The following ARHGAP29 variants were observed in gnomAD, a reference collection of about 807,000 sequenced individuals.
ARHGAP29 encodes Rho GTPase activating protein 29.
In ARHGAP29, 43 loss-of-function variants were observed where a neutral mutation model predicts 122.6. That is an observed-to-expected ratio of 0.35 (90% CI 0.27 to 0.45). The LOEUF (loss-of-function observed/expected upper bound fraction) is 0.45. ARHGAP29 is among the 20% of genes least tolerant of loss of function. The probability of loss-of-function intolerance (pLI) is 1.00; values close to 1 mark genes in which losing one functional copy is unlikely to be tolerated. For missense variants in ARHGAP29, 1,303 were observed against 1,477.2 expected (o/e 0.88, Z 1.93); for synonymous variants, 506 against 497.1 (o/e 1.02, Z -0.24).
rs1649334254 is a variant in ARHGAP29 at position 94,179,748 on chromosome 1, A to G, written c.2457T>C (p.His819=). The G allele has an allele frequency of 1.2e-6, 2 of 1,611,900 alleles. No homozygotes were observed. The highest frequency in any genetic ancestry group is 2.7e-5 in the African/African-American group (2 of 74,856). Residue 819 remains histidine (H), a synonymous_variant, in exon 20 of 23, where the codon CAT becomes CAC. Transcript: ENST00000260526. ...QLPASNFNSL[H]FLIVHLKRVV... is the part of the protein sequence containing the mutation. ...ACCGCTTTAGATGTACTATAAGGAA[A>G]TGAAGACTGTTAAAATTTGATGCTG...
At chr1:94,262,022 A>G (rs1023104323) in intron 1 of ARHGAP29, among the ~76,000 whole-genome samples, 2 of 152,200 alleles carry the variant, frequency 1.3e-5, no homozygotes, top group African/African-American at 4.8e-5. Flanking sequence ...GGCTGCAGAA[A>G]CCAAAACAGC....
At chr1:94,213,644 G>A (rs1651790984) in intron 3 of ARHGAP29, among the ~76,000 whole-genome samples, 1 of 152,236 alleles carries the variant, frequency 6.6e-6, no homozygotes, top group African/African-American at 2.4e-5. Flanking sequence ...TGGCCCACCA[G>A]CCTGTGTGCC....
the ARHGAP29 span, among the ~76,000 whole-genome samples, chr1:94,296,082 TACC>T: frequency 6.6e-6 from 1 of 152,196 alleles, no homozygotes; most frequent in Admixed American, 6.5e-5. Flanking sequence ...AGGTTTCAGT[TACC>T]CATGGTCAAC....
chr1:94,221,985 A>AC (rs1239937803), intron 2 of ARHGAP29, among the ~76,000 whole-genome samples: 12 of 151,724 alleles, frequency 7.9e-5, no homozygotes, highest in Admixed American at 7.2e-4. Context: ...AAAAAAAAAA[A>AC]AAAACTAAAA....
At chr1:94,213,821 TAGAAC>T (rs1453191664) in intron 3 of ARHGAP29, among the ~76,000 whole-genome samples, 5 of 152,244 alleles carry the variant, frequency 3.3e-5, no homozygotes, top group African/African-American at 1.2e-4. Flanking sequence ...TAAATGAACT[TAGAAC>T]AGAGCCTGTT....
In ARHGAP29 at chr1:94,193,770, G is replaced by C. The variant is rs543729338; in HGVS notation, c.1282-3687C>G. The C allele has an allele frequency of 5.3e-5, 8 of 152,304 alleles. No homozygotes were observed. In the East Asian group the frequency reaches 5.8e-4, roughly 11 times the overall value. The allele number at this position is 152,304 out of a possible 1,614,324, so 9.4% of individuals were successfully genotyped here. A position where few individuals can be genotyped will look rare whatever the true frequency, so the allele number is the denominator to read the frequency against. On this transcript the variant is annotated intron_variant, in intron 12 of 22. Transcript: ENST00000260526. Reference sequence around the variant, plus strand: ...CAACCAAGTGAATCCATTACCAGCAGACCTGCTATAAAATAGTGGTAAAGG... The same window carrying C: ...CAACCAAGTGAATCCATTACCAGCACACCTGCTATAAAATAGTGGTAAAGG...
At chr1:94,235,643 T>C (rs1033195704) in intron 1 of ARHGAP29, among the ~76,000 whole-genome samples, 4 of 152,178 alleles carry the variant, frequency 2.6e-5, no homozygotes, top group African/African-American at 7.2e-5. Flanking sequence ...ACTGTGCAAA[T>C]AGACTTGTGC....
Position 94,208,866 on chromosome 1 carries a change from G to C in ARHGAP29, c.476C>G (p.Ser159Ter). The change falls in exon 5 of 23, where the codon TCA becomes TGA. Residue 159 changes from serine to a stop codon, truncating the protein, a stop_gained. Transcript: ENST00000260526. LOFTEE classifies it high-confidence loss of function. ...TCGAGAAACAGGCAGTCGCAATAAT[G>C]AATCATTGCCTACATCTCCCATAAG... The part of the protein sequence containing the change: ...NFLMGDVGND[S>*]LLRLPVSRET... 6.2e-7 allele frequency: 1 copy of C among 1,613,960 alleles called. No individual in the cohort carries two copies. Among genetic ancestry groups the C allele is most frequent in the Non-Finnish European group, 8.5e-7 (1 of 1,179,952 alleles).
chr1:94,250,141 T>C (rs1046653238), intron 1 of ARHGAP29, among the ~76,000 whole-genome samples: 29 of 152,218 alleles, frequency 1.9e-4, no homozygotes, highest in Non-Finnish European at 1.3e-4. Context: ...TGATCACAAG[T>C]GTGCATGTTC....
intron 11 of ARHGAP29, 89 bp downstream of exon 11, chr1:94,202,455 C>G (rs746853477): frequency 6.7e-7 from 1 of 1,482,610 alleles, no homozygotes; most frequent in South Asian, 1.2e-5. Flanking sequence ...CCTTTCCAGG[C>G]AGTCTTGGCA....
At chr1:94,294,204 G>C in the ARHGAP29 span, among the ~76,000 whole-genome samples, 12 of 152,282 alleles carry the variant, frequency 7.9e-5, no homozygotes, top group Admixed American at 2.0e-4. Context: ...GGAACATATT[G>C]AGTTGTGGGT....
rs1210214191 is a variant in ARHGAP29 at position 94,189,213 on chromosome 1, T to C, written c.1576+3A>G. ...TAGCACTCTCTTTAGGGTGGAAAAC[T>C]ACCTGTTATATCTGCACTGTTAGAG... On this transcript the variant is annotated splice_donor_region_variant and intron_variant, in intron 14 of 22. Coordinates refer to ENST00000260526, the MANE Select transcript of ARHGAP29 (RefSeq NM_004815.4). 1.9e-6 allele frequency: 3 copies of C among 1,599,626 alleles called. No homozygotes were observed. The highest frequency in any genetic ancestry group is 2.6e-6 in the Non-Finnish European group (3 of 1,175,962).
chr1:94,298,910 T>C, the ARHGAP29 span, among the ~76,000 whole-genome samples: 3 of 152,140 alleles, frequency 2.0e-5, no homozygotes, highest in African/African-American at 4.8e-5. Context: ...CATTCTCAGC[T>C]CTAGTTTGGA....
At chr1:94,180,833 C>T (rs1486703878) in intron 19 of ARHGAP29, among the ~76,000 whole-genome samples, 1 of 152,106 alleles carries the variant, frequency 6.6e-6, no homozygotes, top group African/African-American at 2.4e-5. Context: ...ATTCCTGAGA[C>T]AGAATGAGAG....
chr1:94,258,856 G>A (rs1654459143), intron 1 of ARHGAP29, among the ~76,000 whole-genome samples: 1 of 152,144 alleles, frequency 6.6e-6, no homozygotes, highest in Non-Finnish European at 1.5e-5. Flanking sequence ...CAAAACCAGG[G>A]ATCTGAACTC....
chr1:94,303,893 G>A, the ARHGAP29 span, among the ~76,000 whole-genome samples: 5 of 152,096 alleles, frequency 3.3e-5, no homozygotes, highest in Non-Finnish European at 4.4e-5. Context: ...GCCAGCTACC[G>A]CTGCCTAATA....
At chr1:94,199,293 AC>A (rs1057111790) in intron 12 of ARHGAP29, among the ~76,000 whole-genome samples, 1 of 152,206 alleles carries the variant, frequency 6.6e-6, no homozygotes, top group African/African-American at 2.4e-5. Context: ...AAACAAGTAG[AC>A]ACCTACAAAT....
chr1:94,235,016 G>A (rs1002059394), intron 1 of ARHGAP29, among the ~76,000 whole-genome samples: 1 of 151,870 alleles, frequency 6.6e-6, no homozygotes, highest in Admixed American at 6.6e-5. Context: ...TTTTAGACAA[G>A]ACTTAAAAAA....
the ARHGAP29 span, among the ~76,000 whole-genome samples, chr1:94,289,142 GT>G: frequency 6.6e-6 from 1 of 152,136 alleles, no homozygotes; most frequent in African/African-American, 2.4e-5. Flanking sequence ...TCTTCCATTT[GT>G]TTGTGTCCTC....
Sources: allele counts gnomAD v4.1 joint callset (sites outside exome capture counted in the v4.1 genomes callset), GRCh38; gene constraint gnomAD v4.1.1; transcripts MANE v1.5; gene names NCBI Gene and HGNC (gene_info 2026-07-23, HGNC 2026-07-21).